Variants in PUDP observed in about 807,000 individuals in gnomAD.
The protein encoded by PUDP is pseudouridine 5'-phosphatase, also known as pseudouridine-5'-phosphatase.
Under a neutral mutation model 9.4 loss-of-function variants are expected in PUDP, and 8 were observed. The ratio of observed to expected loss-of-function variants is 0.85; its 90% confidence interval spans 0.50 to 1.53. The LOEUF (loss-of-function observed/expected upper bound fraction) is 1.53, where lower values mean the gene tolerates loss of function less well. Ranked by LOEUF, PUDP falls within the 40% of genes most tolerant of loss-of-function variation. The pLI is 0.00. For missense variants in PUDP, 188 were observed against 189.7 expected, an observed-to-expected ratio of 0.99 and a Z score of 0.05; for synonymous variants, 99 against 80.7, an observed-to-expected ratio of 1.23 and a Z score of -1.22.
intron 1 of PUDP, among the ~76,000 whole-genome samples, chrX:6,997,395 T>C (rs1397499565): frequency 1.8e-5 from 2 of 112,173 alleles, no homozygotes; most frequent in Admixed American, 1.9e-4. Flanking sequence ...TCTTTCAGAA[T>C]AGCCTGCAGA....
chrX:7,083,465 A>G (rs1173328325), intron 2 of PUDP, among the ~76,000 whole-genome samples: 1 of 111,831 alleles, frequency 8.9e-6, no homozygotes, highest in Non-Finnish European at 1.9e-5. Flanking sequence ...AAGAAAGAAC[A>G]TATGAGGATT....
intron 1 of PUDP, among the ~76,000 whole-genome samples, chrX:7,127,034 T>C (rs767360704): frequency 2.9e-4 from 32 of 111,677 alleles, no homozygotes; most frequent in Non-Finnish European, 4.3e-4. Flanking sequence ...CCAAAAAGCA[T>C]AGGGTATGGT....
intron 3 of PUDP, among the ~76,000 whole-genome samples, chrX:6,862,512 A>T (rs1379260052): frequency 2.7e-5 from 3 of 112,601 alleles, no homozygotes; most frequent in Non-Finnish European, 5.6e-5. Context: ...TAAAGCACAT[A>T]AAATGAGTCA....
intron 1 of PUDP, among the ~76,000 whole-genome samples, chrX:6,980,985 AGAGAAAGCAT>A (rs1929024780): frequency 9.0e-6 from 1 of 111,429 alleles, no homozygotes; most frequent in Admixed American, 9.6e-5. Flanking sequence ...ATTTCCCACT[AGAGAAAGCAT>A]GAAAAACAGA....
intron 3 of PUDP, among the ~76,000 whole-genome samples, chrX:6,890,988 A>G (rs1400306209): frequency 1.9e-5 from 2 of 102,685 alleles, no homozygotes; most frequent in African/African-American, 7.2e-5. Flanking sequence ...GGTGGCACAC[A>G]CCTGTAGTAT....
At chrX:6,789,942 T>C (rs1045549867) in intron 3 of PUDP, among the ~76,000 whole-genome samples, 3 of 99,322 alleles carry the variant, frequency 3.0e-5, no homozygotes, top group Non-Finnish European at 4.1e-5. Flanking sequence ...ATAGAGAAGA[T>C]AGAACATAGA....
intron 1 of PUDP, among the ~76,000 whole-genome samples, chrX:7,042,878 T>C (rs773367475): frequency 3.6e-5 from 4 of 111,644 alleles, no homozygotes; most frequent in South Asian, 3.8e-4. Context: ...TGTGTAATAA[T>C]TGGCAATCAG....
chrX:6,709,076 G>C (rs1432432258), intron 1 of PUDP, among the ~76,000 whole-genome samples: 3 of 112,118 alleles, frequency 2.7e-5, no homozygotes, highest in African/African-American at 9.7e-5. Context: ...ATCTGAAAAA[G>C]AGCACATCAC....
intron 1 of PUDP, among the ~76,000 whole-genome samples, chrX:6,720,952 A>G (rs774519303): frequency 9.0e-6 from 1 of 111,693 alleles, no homozygotes; most frequent in South Asian, 3.8e-4. Flanking sequence ...GCTGGGGAAA[A>G]TGTCACAAGA....
chrX:6,908,437 C>T (rs1194266439), intron 3 of PUDP, among the ~76,000 whole-genome samples: 1 of 111,939 alleles, frequency 8.9e-6, no homozygotes, highest in Non-Finnish European at 1.9e-5. Flanking sequence ...TTGTAATACT[C>T]ATGCTTATGG....
At chrX:7,124,592 G>A (rs1280262524) in intron 1 of PUDP, among the ~76,000 whole-genome samples, 2 of 110,925 alleles carry the variant, frequency 1.8e-5, no homozygotes, top group Non-Finnish European at 3.8e-5. Flanking sequence ...GGTAAAATCA[G>A]GCCTCAGTTT....
chrX:6,708,256 T>G (rs1924492890), intron 1 of PUDP, among the ~76,000 whole-genome samples: 1 of 111,542 alleles, frequency 9.0e-6, no homozygotes, highest in South Asian at 3.8e-4. Context: ...TCTGGTAGCA[T>G]TTGGGAAGCA....
At chrX:6,751,177 GA>G (rs1188946512) in intron 3 of PUDP, among the ~76,000 whole-genome samples, 7 of 108,124 alleles carry the variant, frequency 6.5e-5, no homozygotes, top group Non-Finnish European at 1.3e-4. Flanking sequence ...AAGAAAGAAA[GA>G]AAAAAAGAAA....
intron 1 of PUDP, among the ~76,000 whole-genome samples, chrX:7,121,634 C>T (rs1932345918): frequency 9.0e-6 from 1 of 111,291 alleles, no homozygotes; most frequent in Non-Finnish European, 1.9e-5. Context: ...AACAAGGAGG[C>T]TCCCAGAGAG....
At chrX:6,708,746 A>T (rs184727228) in intron 1 of PUDP, among the ~76,000 whole-genome samples, 122 of 112,141 alleles carry the variant, frequency 1.1e-3, no homozygotes, top group African/African-American at 3.8e-3. Flanking sequence ...TCTGAGGATG[A>T]ATAGCATCAA....
intron 1 of PUDP, among the ~76,000 whole-genome samples, chrX:7,144,741 G>A (rs1400045534): frequency 9.0e-6 from 1 of 111,638 alleles, no homozygotes; most frequent in African/African-American, 3.3e-5. Context: ...ATAAAGATAT[G>A]GTATATTATG....
At chrX:7,075,454 G>A (rs1930865900) in intron 3 of PUDP, among the ~76,000 whole-genome samples, 1 of 111,562 alleles carries the variant, frequency 9.0e-6, no homozygotes, top group South Asian at 3.8e-4. Flanking sequence ...GCAGTGAGCC[G>A]AGATCATGCC....
chrX:6,867,339 A>T (rs1361754948), intron 3 of PUDP, among the ~76,000 whole-genome samples: 1 of 112,118 alleles, frequency 8.9e-6, no homozygotes, highest in Non-Finnish European at 1.9e-5. Context: ...GGCATGGCAG[A>T]TTCAGCACTA....
intron 3 of PUDP, among the ~76,000 whole-genome samples, chrX:6,883,830 G>A: frequency 9.0e-6 from 1 of 111,208 alleles, no homozygotes; most frequent in Non-Finnish European, 1.9e-5. Flanking sequence ...CATTTTTAAT[G>A]TTCATTCTTT....
Sources: allele counts gnomAD v4.1 joint callset (sites outside exome capture counted in the v4.1 genomes callset), GRCh38; gene constraint gnomAD v4.1.1; transcripts MANE v1.5; gene names NCBI Gene and HGNC (gene_info 2026-07-23, HGNC 2026-07-21).